Variants in ABCB1 observed in about 807,000 individuals in gnomAD.
ABCB1 encodes the protein ATP-dependent translocase ABCB1.
A neutral mutation model predicts 142.0 loss-of-function variants in ABCB1; 69 were observed. That is an observed-to-expected ratio of 0.49 (90% CI 0.40 to 0.59). ABCB1 has a LOEUF of 0.59. Ranked by LOEUF, ABCB1 falls within the 20% of genes least tolerant of loss-of-function variation. The pLI is 0.00. For missense variants in ABCB1, 1,326 were observed against 1,554.7 expected, an observed-to-expected ratio of 0.85 and a Z score of 2.47; for synonymous variants, 532 against 539.2, an observed-to-expected ratio of 0.99 and a Z score of 0.18.
At position 87,544,907 on chromosome 7, in the gene ABCB1, G is replaced by A; in HGVS notation, c.1980C>T (p.Ser660=). ...ALEMSSNDSR[S]SLIRKRSTRR... is the part of the protein sequence containing the mutation. The stretch of plus-strand genomic sequence containing the variant: ...GAGTTGATCTTTTTCTTATTAGACT[G>A]GATCTTGAATCATTTGAAGACATTT... The change falls in exon 16 of 28, where the codon TCC becomes TCT. Residue 660 remains serine, a synonymous_variant. Coordinates refer to ENST00000622132, the MANE Select transcript of ABCB1 (RefSeq NM_001348946.2). 6.2e-7 allele frequency: 1 copy of A among 1,613,982 alleles called. No individual in the cohort carries two copies. Among genetic ancestry groups the A allele is most frequent in the South Asian group, 1.1e-5 (1 of 91,074 alleles).
At position 87,564,318 on chromosome 7, in the gene ABCB1, C is replaced by T. The variant is rs548052686; in HGVS notation, c.702+1752G>A. Among the ~76,000 whole-genome samples, 5 of 152,202 alleles carry T rather than the reference C, an allele frequency of 3.3e-5. No individual in the cohort carries two copies. The East Asian group carries it at 5.8e-4, about 18-fold the overall frequency. ...AGAGTGTTTGTAGTATTATTTTGGT[C>T]GGCTTGATTTATGTGAAGCTTCTGG... On this transcript the variant is annotated intron_variant, in intron 7 of 27. Transcript: ENST00000622132.
intron 1 of ABCB1, among the ~76,000 whole-genome samples, chr7:87,645,568 T>C (rs1271391908): frequency 6.6e-6 from 1 of 152,220 alleles, no homozygotes; most frequent in Non-Finnish European, 1.5e-5. Context: ...TTTGATATTT[T>C]TAGACATTCA....
At chr7:87,648,184 C>CAAA (rs138383809) in intron 1 of ABCB1, among the ~76,000 whole-genome samples, 4 of 65,458 alleles carry the variant, frequency 6.1e-5, no homozygotes, top group East Asian at 3.2e-4. Flanking sequence ...GACTCTGTCT[C>CAAA]AAAAAAAAAA....
At chr7:87,539,470 A>G in intron 18 of ABCB1, 125 bp from the exon 19 acceptor site, 2 of 975,952 alleles carry the variant, frequency 2.0e-6, no homozygotes, top group Non-Finnish European at 3.2e-6. Flanking sequence ...AGGGCTTGCT[A>G]TGTTTCTGTG....
intron 1 of ABCB1, chr7:87,628,786 G>A: frequency 2.6e-6 from 3 of 1,176,316 alleles, no homozygotes; most frequent in East Asian, 3.2e-5. Context: ...GGCGTGCGGG[G>A]TGGCACGAGA....
intron 19 of ABCB1, among the ~76,000 whole-genome samples, chr7:87,537,842 T>G (rs1241628577): frequency 2.0e-5 from 3 of 152,218 alleles, no homozygotes; most frequent in Non-Finnish European, 4.4e-5. Flanking sequence ...AAGTATGAAT[T>G]TATATGTTTT....
At chr7:87,660,300 A>G (rs780697587) in intron 1 of ABCB1, among the ~76,000 whole-genome samples, 1 of 151,980 alleles carries the variant, frequency 6.6e-6, no homozygotes, top group South Asian at 2.1e-4. Context: ...AACTCTATTC[A>G]GGTTGTTGAT....
At chr7:87,626,804 C>G (rs1051084084) in intron 1 of ABCB1, among the ~76,000 whole-genome samples, 13 of 151,050 alleles carry the variant, frequency 8.6e-5, no homozygotes, top group African/African-American at 2.9e-4. Context: ...GAGATGGAGT[C>G]TCACTCTGTC....
At chr7:87,635,719 C>A (rs1392673967) in intron 1 of ABCB1, among the ~76,000 whole-genome samples, 1 of 152,180 alleles carries the variant, frequency 6.6e-6, no homozygotes, top group South Asian at 2.1e-4. Flanking sequence ...AACTAGCACC[C>A]AAGTCAAGAG....
At chr7:87,645,793 A>G (rs1036667239) in intron 1 of ABCB1, among the ~76,000 whole-genome samples, 3 of 152,212 alleles carry the variant, frequency 2.0e-5, no homozygotes, top group Admixed American at 6.5e-5. Context: ...ATGACTAGCT[A>G]TATGATTTTA....
At chr7:87,541,657 A>G (rs1168862279) in intron 17 of ABCB1, among the ~76,000 whole-genome samples, 193 bp from the exon 18 acceptor site, 1 of 152,214 alleles carries the variant, frequency 6.6e-6, no homozygotes, top group African/African-American at 2.4e-5. Flanking sequence ...GGATAGGTCT[A>G]TCATTCATAA....
chr7:87,511,301 G>A (rs753959976), intron 25 of ABCB1, among the ~76,000 whole-genome samples: 2 of 152,156 alleles, frequency 1.3e-5, no homozygotes, highest in Non-Finnish European at 2.9e-5. Context: ...GGGAATCTAT[G>A]AGAAGTGCTC....
At chr7:87,524,651 G>A (rs1429008080) in intron 21 of ABCB1, among the ~76,000 whole-genome samples, 1 of 151,650 alleles carries the variant, frequency 6.6e-6, no homozygotes, top group African/African-American at 2.4e-5. Context: ...CGAGTTGGTG[G>A]GTACAGCACA....
At chr7:87,709,439 T>C in intron 1 of ABCB1, 2 of 985,344 alleles carry the variant, frequency 2.0e-6, no homozygotes, top group African/African-American at 1.7e-5. Context: ...TAACTGCAGG[T>C]TCCCCTAGGC....
chr7:87,614,620 A>T (rs909371552), intron 1 of ABCB1, among the ~76,000 whole-genome samples: 1 of 152,196 alleles, frequency 6.6e-6, no homozygotes, highest in Admixed American at 6.5e-5. Context: ...GTGTAACAAG[A>T]GTGTTGCGAT....
intron 14 of ABCB1, 32 bp from the exon 15 acceptor site, chr7:87,546,056 A>G (rs199687111): frequency 1.7e-5 from 28 of 1,608,164 alleles, no homozygotes; most frequent in Non-Finnish European, 2.2e-5. Flanking sequence ...TTTTGAATAC[A>G]TTAACAATTA....
chr7:87,654,295 C>T (rs1823866953), intron 1 of ABCB1, among the ~76,000 whole-genome samples: 1 of 151,928 alleles, frequency 6.6e-6, no homozygotes, highest in African/African-American at 2.4e-5. Flanking sequence ...GCAAAAAGAA[C>T]AAAGCTGGAG....
intron 20 of ABCB1, 80 bp from the exon 21 acceptor site, chr7:87,531,577 T>G: frequency 7.9e-7 from 1 of 1,272,268 alleles, no homozygotes; most frequent in Admixed American, 1.8e-5. Flanking sequence ...AAACTCACCT[T>G]CATGAGACTA....
At chr7:87,684,523 C>T (rs1294974940) in intron 1 of ABCB1, among the ~76,000 whole-genome samples, 29 of 151,668 alleles carry the variant, frequency 1.9e-4, no homozygotes, top group Non-Finnish European at 1.2e-4. Flanking sequence ...CCGAGGCAGG[C>T]GGATCATGAG....
Sources: allele counts gnomAD v4.1 joint callset (sites outside exome capture counted in the v4.1 genomes callset), GRCh38; gene constraint gnomAD v4.1.1; transcripts MANE v1.5; gene names NCBI Gene and HGNC (gene_info 2026-07-23, HGNC 2026-07-21).